RNF213: variants seen among roughly 807,000 people sequenced by gnomAD.
The protein encoded by RNF213 is ring finger protein 213.
RNF213 carries 341 observed loss-of-function variants against 514.4 expected under a neutral mutation model. The ratio of observed to expected loss-of-function variants is 0.66; its 90% CI spans 0.61 to 0.73. RNF213 has a LOEUF of 0.73. RNF213 is among the 30% of genes least tolerant of loss of function. RNF213 has a pLI of 0.00. For missense variants in RNF213, 5,767 were observed against 6,615.6 expected (o/e 0.87, Z 4.45); for synonymous variants, 2,655 against 2,658.2 (o/e 1.00, Z 0.04).
intron 37 of RNF213, among the ~76,000 whole-genome samples, chr17:80,358,965 C>G (rs915739546): frequency 6.6e-6 from 1 of 152,134 alleles, no homozygotes; most frequent in Middle Eastern, 3.2e-3. Flanking sequence ...TATCTCCACC[C>G]TCCTCATTTC....
chr17:80,375,583 G>A (rs1436313970), intron 50 of RNF213, among the ~76,000 whole-genome samples, 177 bp from the exon 51 acceptor site: 2 of 151,938 alleles, frequency 1.3e-5, no homozygotes, highest in South Asian at 2.1e-4. Context: ...GCGTGTGCCT[G>A]TAGTCCCAGC....
Position 80,353,584 on chromosome 17 carries a change from T to A in RNF213, c.10496T>A (p.Val3499Glu), listed in dbSNP as rs1212722127. 1.2e-5 allele frequency: 19 copies of A among 1,612,862 alleles called. No homozygotes were observed. The highest frequency in any genetic ancestry group is 1.6e-5 in the Non-Finnish European group (19 of 1,179,382). ...ACGGAGGCCAGCACATCAGGGGAGG[T>A]GGCAGAGGTGGCAGAGGAGGCCATG... Reference protein sequence around the residue: ...METEASTSGEVAEVAEEAMET... With the variant: ...METEASTSGEEAEVAEEAMET... Residue 3499 changes from valine (V) to glutamate (E), a missense_variant, in exon 34 of 68, where the codon GTG becomes GAG. Transcript: ENST00000582970. This position sits in a 1 kb window ranked among gnomAD's most constrained non-coding sequence, Gnocchi z 5.0.
intron 3 of RNF213, 34 bp from the exon 4 acceptor site, chr17:80,287,781 A>G: frequency 6.2e-7 from 1 of 1,606,350 alleles, no homozygotes; most frequent in Non-Finnish European, 8.5e-7. Context: ...GAGTAAATCT[A>G]AGAAATAAAG....
chr17:80,295,474 A>G (rs2143395450), intron 9 of RNF213, 83 bp from the exon 10 acceptor site: 1 of 1,570,520 alleles, frequency 6.4e-7, no homozygotes, highest in Non-Finnish European at 8.7e-7. Context: ...CTGCTGCCCT[A>G]GCTGTGGTGC....
intron 15 of RNF213, among the ~76,000 whole-genome samples, chr17:80,313,626 GAGGTGA>G (rs2045659328): frequency 2.0e-5 from 3 of 150,692 alleles, no homozygotes; most frequent in African/African-American, 2.5e-5. Flanking sequence ...GATTGTGGTG[GAGGTGA>G]TGGTGGTGAT....
rs539664198 is a variant in RNF213, at chr17:80,330,030, T to G, written c.3517+1553T>G. ...CATCATTTTTCTCTCGGATTTTCTA[T>G]CTCTGTTTTTTGCTCTGCTCTTGAG... On this transcript the variant is annotated intron_variant, in intron 20 of 67. Coordinates refer to ENST00000582970, the MANE Select transcript of RNF213 (RefSeq NM_001256071.3). Among the ~76,000 whole-genome samples, 177 of 152,326 alleles carry G rather than the reference T, an allele frequency of 1.2e-3. 1 individual carries two copies. Among genetic ancestry groups the G allele is most frequent in the African/African-American group, 4.0e-3 (168 of 41,576 alleles).
chr17:80,288,396 G>T lies in RNF213; in HGVS notation c.810+33G>T. ...ATCCGGGAGAGATGGCCTGGGAGTG[G>T]CACTGAGCCCTCGGCACCTGGGCTC... On this transcript the variant is annotated intron_variant, in intron 4 of 67. Coordinates refer to ENST00000582970, the MANE Select transcript of RNF213 (RefSeq NM_001256071.3). This position sits in a 1 kb window ranked among gnomAD's most constrained non-coding sequence, Gnocchi z 4.9. 2 of 1,609,594 alleles carry T rather than the reference G, an allele frequency of 1.2e-6. No individual in the cohort carries two copies. Among genetic ancestry groups the T allele is most frequent in the Non-Finnish European group, 1.7e-6 (2 of 1,179,550 alleles).
In RNF213 at chr17:80,353,288, G is replaced by A; in HGVS notation, c.10424-224G>A. 1 of 778,468 alleles carries A rather than the reference G, an allele frequency of 1.3e-6. No individual in the cohort carries two copies. The highest frequency in any genetic ancestry group is 2.2e-5 in the Admixed American group (1 of 45,644). The allele number at this position is 778,468 out of a possible 1,614,324, so 48.2% of individuals were successfully genotyped here. A position where few individuals can be genotyped will look rare whatever the true frequency, so the allele number is the denominator to read the frequency against. On this transcript the variant is annotated intron_variant, in intron 33 of 67. Transcript: ENST00000582970. This position sits in a 1 kb window ranked among gnomAD's most constrained non-coding sequence, Gnocchi z 5.0. ...AGAGCTCTGTGAGCAGGCCAGCCAT[G>A]GAAGTGAGCACCTAGAACACGCCAG... is the stretch of plus-strand genomic sequence containing the variant.
Position 80,328,331 on chromosome 17 carries a change from A to G in RNF213, c.3371A>G (p.Glu1124Gly). The change falls in exon 20 of 68, where the codon GAA becomes GGA. Residue 1124 changes from glutamate (E) to glycine (G), a missense_variant. This residue lies in a region of RNF213 where 516 missense variants were observed against 566.5 expected (regional missense o/e 0.91). Coordinates refer to ENST00000582970, the MANE Select transcript of RNF213 (RefSeq NM_001256071.3). ...NQFLDIWQLR[E>G]KSLSPQDEQC... ...TATTGGTGTTCTTATTTTCCAGGGG[A>G]AAAAAGTCTTTCACCCCAGGATGAA... 2 of 1,534,226 alleles carry G rather than the reference A, an allele frequency of 1.3e-6. No homozygotes were observed. The highest frequency in any genetic ancestry group is 1.7e-6 in the Non-Finnish European group (2 of 1,145,266).
In RNF213 at chr17:80,394,094, G is replaced by A. The variant is rs1473642021; in HGVS notation, c.*596G>A. 6.5e-6 allele frequency: 1 copy of A among 154,130 alleles called. No individual in the cohort carries two copies. Among genetic ancestry groups the A allele is most frequent in the Admixed American group, 6.4e-5 (1 of 15,700 alleles). The allele number at this position is 154,130 out of a possible 1,614,324, so 9.5% of individuals were successfully genotyped here. ...AGATCTGACCCTCTCCCCTCACAGT[G>A]AGCCACTGCCCCACTTCAGAGGGTA... is the stretch of plus-strand genomic sequence containing the variant. On this transcript the variant is annotated 3_prime_UTR_variant, in exon 68 of 68. Transcript: ENST00000582970.
At chr17:80,322,243 C>G (rs1229591051) in intron 17 of RNF213, among the ~76,000 whole-genome samples, 1 of 144,004 alleles carries the variant, frequency 6.9e-6, no homozygotes, top group African/African-American at 2.6e-5. Flanking sequence ...TCACTACAGC[C>G]TCAACCTCCT....
chr17:80,348,265 G>A lies in RNF213; in HGVS notation c.9930G>A (p.Glu3310=), dbSNP rs780583032. The A allele has an allele frequency of 3.1e-6, 5 of 1,613,498 alleles. No individual in the cohort carries two copies. The highest frequency in any genetic ancestry group is 2.2e-5 in the South Asian group (2 of 91,086). ...LQAHLHTADL[E]RHAIFTEITT... is the part of the protein sequence containing the mutation. ...CACACCTGCACACGGCAGACCTGGA[G>A]CGCCACGCCATCTTCACAGAGGTGA... The change falls in exon 29 of 68, where the codon GAG becomes GAA. Residue 3310 remains glutamate (E), a synonymous_variant. Coordinates refer to ENST00000582970, the MANE Select transcript of RNF213 (RefSeq NM_001256071.3).
intron 36 of RNF213, among the ~76,000 whole-genome samples, chr17:80,356,630 A>G (rs1242545257): frequency 2.6e-5 from 4 of 152,208 alleles, no homozygotes; most frequent in South Asian, 4.1e-4. Context: ...GTCCAGATAC[A>G]GCAGAACCAG....
intron 54 of RNF213, 104 bp from the exon 55 acceptor site, chr17:80,379,515 TG>T: frequency 9.7e-7 from 1 of 1,033,232 alleles, no homozygotes; most frequent in South Asian, 1.3e-5. Context: ...AATCTGAGGG[TG>T]CTCACGTCTG....
Position 80,345,810 on chromosome 17 carries a change from C to T in RNF213, c.7475C>T (p.Thr2492Met), listed in dbSNP as rs200099417. 1.4e-4 allele frequency: 223 copies of T among 1,614,010 alleles called. 1 individual carries two copies. The highest frequency in any genetic ancestry group is 7.0e-4 in the South Asian group (64 of 91,086). ...TILFFDEANT[T>M]EAISCIKEVL... Reference sequence around the variant, plus strand: ...TTGTTTTTTGATGAAGCCAACACAACGGAAGCTATAAGCTGTATCAAAGAA... The same window carrying T: ...TTGTTTTTTGATGAAGCCAACACAATGGAAGCTATAAGCTGTATCAAAGAA... The change falls in exon 29 of 68, where the codon ACG becomes ATG. Residue 2492 changes from threonine to methionine, a missense_variant. Physicochemically the swap from Thr to Met is moderately conservative, Grantham distance 81 (BLOSUM62 -1). Coordinates refer to ENST00000582970, the MANE Select transcript of RNF213 (RefSeq NM_001256071.3). The surrounding 1 kb of genome is among the most constrained non-coding windows in gnomAD (Gnocchi z 6.0).
chr17:80,390,392 G>A (rs1346202789), intron 67 of RNF213, among the ~76,000 whole-genome samples, 196 bp downstream of exon 67: 1 of 152,168 alleles, frequency 6.6e-6, no homozygotes, highest in African/African-American at 2.4e-5. Context: ...TTACACAAGT[G>A]TTTTTCAGAC....
intron 39 of RNF213, 111 bp from the exon 40 acceptor site, chr17:80,362,991 T>C (rs759569424): frequency 9.7e-7 from 1 of 1,033,076 alleles, no homozygotes; most frequent in Admixed American, 2.0e-5. Flanking sequence ...ATAGCACACA[T>C]GGTTTCTAAT....
intron 9 of RNF213, 57 bp from the exon 10 acceptor site, chr17:80,295,500 C>T: frequency 6.2e-7 from 1 of 1,608,332 alleles, no homozygotes; most frequent in Non-Finnish European, 8.5e-7. Context: ...CAGCTCTGGA[C>T]ACTGCCGGTG....
chr17:80,371,603 C>CATAA, intron 46 of RNF213: 1 of 286,300 alleles, frequency 3.5e-6, no homozygotes, highest in Non-Finnish European at 6.6e-6. Context: ...ATATAACCCA[C>CATAA]ATAAAAGCTC....
Sources: allele counts gnomAD v4.1 joint callset (sites outside exome capture counted in the v4.1 genomes callset), GRCh38; gene constraint gnomAD v4.1.1; regional missense constraint gnomAD v4.1.1; non-coding constraint Gnocchi (gnomAD v3.1); transcripts MANE v1.5; gene names NCBI Gene and HGNC (gene_info 2026-07-23, HGNC 2026-07-21).